Variants in ASAP1 observed in about 807,000 individuals in gnomAD.
ASAP1 encodes the protein arf-GAP with SH3 domain, ANK repeat and PH domain-containing protein 1.
A neutral mutation model predicts 145.2 loss-of-function variants in ASAP1; 43 were observed. That is an observed-to-expected ratio of 0.30 (90% CI 0.23 to 0.38). ASAP1 has a LOEUF of 0.38. ASAP1 is among the 10% of genes least tolerant of loss of function. The pLI is 1.00. For synonymous variants in ASAP1, 546 were observed against 515.5 expected (o/e 1.06, Z -0.80); for missense variants, 1,018 against 1,355.3 (o/e 0.75, Z 3.91).
chr8:130,295,463 T>C (rs1822211737), intron 3 of ASAP1, among the ~76,000 whole-genome samples: 1 of 152,104 alleles, frequency 6.6e-6, no homozygotes, highest in Non-Finnish European at 1.5e-5. Context: ...ACTGGCTGTA[T>C]GACAAAAATC....
intron 11 of ASAP1, among the ~76,000 whole-genome samples, chr8:130,162,407 A>C (rs1241118882): frequency 6.6e-6 from 1 of 152,218 alleles, no homozygotes; most frequent in African/African-American, 2.4e-5. Flanking sequence ...ACAAAGCAAG[A>C]GGCAGGGATT....
At chr8:130,420,659 C>T (rs978498413) in intron 1 of ASAP1, among the ~76,000 whole-genome samples, 2 of 151,868 alleles carry the variant, frequency 1.3e-5, no homozygotes, top group Admixed American at 6.6e-5. Context: ...TGTGGGAGGC[C>T]GAGGCAGACG....
chr8:130,420,918 A>G (rs889907472), intron 1 of ASAP1, among the ~76,000 whole-genome samples: 3 of 151,966 alleles, frequency 2.0e-5, no homozygotes, highest in Non-Finnish European at 4.4e-5. Flanking sequence ...AAGTTACTTC[A>G]TTCATTCCTC....
chr8:130,401,735 G>T (rs79924231), intron 2 of ASAP1, 150 bp downstream of exon 2: 1 of 668,384 alleles, frequency 1.5e-6, no homozygotes, highest in East Asian at 2.7e-5. Flanking sequence ...AAATGCTAGA[G>T]ATCTGTTCTC....
At chr8:130,133,465 G>A (rs2097586416) in intron 15 of ASAP1, among the ~76,000 whole-genome samples, 1 of 151,484 alleles carries the variant, frequency 6.6e-6, no homozygotes, top group Admixed American at 6.6e-5. Flanking sequence ...GACCATCCTG[G>A]CTAACAAGGT....
At chr8:130,372,871 C>T (rs926878653) in intron 2 of ASAP1, among the ~76,000 whole-genome samples, 1 of 152,132 alleles carries the variant, frequency 6.6e-6, no homozygotes, top group African/African-American at 2.4e-5. Flanking sequence ...TGAGAGAGCA[C>T]ACTCATGCAT....
At position 130,401,879 on chromosome 8, in the gene ASAP1, A is replaced by G. The variant is rs771715984; in HGVS notation, c.59+6T>C. On this transcript the variant is annotated splice_donor_region_variant and intron_variant, in intron 2 of 29. Coordinates refer to ENST00000518721, the MANE Select transcript of ASAP1 (RefSeq NM_018482.4). ...TTCTGGACAGGATGGGCTAGAGATC[A>G]CTCACCGATTCCATAGTGAATCTCT... is the stretch of plus-strand genomic sequence containing the variant. The G allele has an allele frequency of 1.2e-6, 2 of 1,613,154 alleles. No homozygotes were observed. The highest frequency in any genetic ancestry group is 2.2e-5 in the East Asian group (1 of 44,868).
intron 1 of ASAP1, among the ~76,000 whole-genome samples, chr8:130,410,825 G>C (rs1829235299): frequency 6.6e-6 from 1 of 152,148 alleles, no homozygotes; most frequent in Admixed American, 6.5e-5. Context: ...GGCTGATCTT[G>C]AGTGATGAAA....
At chr8:130,268,790 C>T (rs1820421200) in intron 3 of ASAP1, among the ~76,000 whole-genome samples, 1 of 152,136 alleles carries the variant, frequency 6.6e-6, no homozygotes, top group Non-Finnish European at 1.5e-5. Context: ...TGATAGCACT[C>T]CAGTTTAAGA....
chr8:130,423,112 C>CT (rs1013570026), intron 1 of ASAP1, among the ~76,000 whole-genome samples: 5 of 151,494 alleles, frequency 3.3e-5, no homozygotes, highest in African/African-American at 4.9e-5. Context: ...CATATTTATA[C>CT]TTTTTTTTTG....
At chr8:130,228,827 T>C (rs1395366651) in intron 4 of ASAP1, among the ~76,000 whole-genome samples, 6 of 152,162 alleles carry the variant, frequency 3.9e-5, no homozygotes, top group Non-Finnish European at 4.4e-5. Flanking sequence ...TTTTTTCTTT[T>C]AGCTCATCTG....
rs571869164 is a variant in ASAP1, at chr8:130,310,140, G to C, written c.186+47877C>G. Among the ~76,000 whole-genome samples the C allele has an allele frequency of 6.7e-5, 10 of 148,604 alleles. No homozygotes were observed. In the South Asian group the frequency reaches 2.0e-3, roughly 29 times the overall value. ...AATGGGGCTAATACAGTTTTTTTTG[G>C]GGGGGGGAGGGGGGTGAGGGGAGGG... On this transcript the variant is annotated intron_variant, in intron 3 of 29. Transcript: ENST00000518721.
At chr8:130,311,792 T>C (rs1363125410) in intron 3 of ASAP1, among the ~76,000 whole-genome samples, 1 of 109,852 alleles carries the variant, frequency 9.1e-6, no homozygotes, top group Admixed American at 8.8e-5. Context: ...ATAAGTGATA[T>C]AGGTTACTTA....
intron 3 of ASAP1, among the ~76,000 whole-genome samples, chr8:130,322,303 TAAA>T (rs5895042): frequency 4.8e-5 from 7 of 147,258 alleles, no homozygotes; most frequent in African/African-American, 1.5e-4. Context: ...CATCTGTGGT[TAAA>T]AAAAAAAAAA....
rs201149689 is a variant in ASAP1, at chr8:130,411,324, G to A, written c.-27-9354C>T. Among the ~76,000 whole-genome samples the A allele has an allele frequency of 2.0e-5, 3 of 152,322 alleles. No homozygotes were observed. In the East Asian group the frequency reaches 5.8e-4, roughly 29 times the overall value. On this transcript the variant is annotated intron_variant, in intron 1 of 29. Transcript: ENST00000518721. ...CTCTCAGCCACCAAGGCACAGGCTC[G>A]GAGTGCCAGGAAATGAATGCTTCTA...
At chr8:130,102,736 A>C (rs187995901) in intron 24 of ASAP1, among the ~76,000 whole-genome samples, 122 of 152,276 alleles carry the variant, frequency 8.0e-4, no homozygotes, top group Non-Finnish European at 1.3e-3. Flanking sequence ...CCCAGGCTGG[A>C]GTGCAGTGGT....
rs1198663175 is a variant in ASAP1 at position 130,118,175 on chromosome 8, G to A, written c.1866C>T (p.Phe622=). The A allele has an allele frequency of 6.2e-7, 1 of 1,613,712 alleles. No individual in the cohort carries two copies. The highest frequency in any genetic ancestry group is 2.2e-5 in the East Asian group (1 of 44,852). The change falls in exon 20 of 30, where the codon TTC becomes TTT. Residue 622 remains phenylalanine, a synonymous_variant. Coordinates refer to ENST00000518721, the MANE Select transcript of ASAP1 (RefSeq NM_018482.4). ...ADQTSLHLVD[F]LVQNCGNLDK... is the part of the protein sequence containing the mutation. ...AAAAACGATACCAGTTTTGTACAAG[G>A]AAGTCAACCAAATGGAGAGATGTCT...
At position 130,421,800 on chromosome 8, in the gene ASAP1, T is replaced by C. The variant is rs577977962; in HGVS notation, c.-27-19830A>G. Among the ~76,000 whole-genome samples the C allele has an allele frequency of 2.4e-4, 36 of 152,370 alleles. No individual in the cohort carries two copies. The East Asian group carries it at 6.4e-3, about 27-fold the overall frequency. ...TTTGTTATTGCAGCTATTATCACTA[T>C]ATTACTAACTAATACACCATCCCAG... is the stretch of plus-strand genomic sequence containing the variant. On this transcript the variant is annotated intron_variant, in intron 1 of 29. Transcript: ENST00000518721.
chr8:130,070,348 T>G (rs891358339), intron 27 of ASAP1, among the ~76,000 whole-genome samples: 1 of 152,224 alleles, frequency 6.6e-6, no homozygotes, highest in Non-Finnish European at 1.5e-5. Context: ...ACTGCATCTC[T>G]TTTATTTGAT....
Sources: gnomAD v4.1 joint callset for allele counts (sites outside exome capture counted in the v4.1 genomes callset) on GRCh38, gnomAD v4.1.1 for gene constraint, MANE v1.5 for transcripts, NCBI Gene and HGNC (gene_info 2026-07-23, HGNC 2026-07-21) for gene names.